The following DNAH14 variants were observed in gnomAD, a reference collection of about 807,000 sequenced individuals.
DNAH14 encodes the protein dynein axonemal heavy chain 14.
DNAH14 carries 478 observed loss-of-function variants against 520.9 expected under a neutral mutation model. The ratio of observed to expected loss-of-function variants is 0.92; its 90% CI spans 0.85 to 0.99. The LOEUF is 0.99. DNAH14 is among the 50% of genes least tolerant of loss of function. The pLI is 0.00. For missense variants in DNAH14, 4,831 were observed against 5,234.5 expected (o/e 0.92, Z 2.38); for synonymous variants, 1,581 against 1,757.2 (o/e 0.90, Z 2.51).
At chr1:225,284,702 A>T (rs1434670505) in intron 54 of DNAH14, among the ~76,000 whole-genome samples, 1 of 152,196 alleles carries the variant, frequency 6.6e-6, no homozygotes, top group African/African-American at 2.4e-5. Flanking sequence ...CTACAGGCTA[A>T]TATCCCTTAT....
chr1:225,346,965 C>T (rs1198479881), intron 71 of DNAH14, among the ~76,000 whole-genome samples: 1 of 152,066 alleles, frequency 6.6e-6, no homozygotes, highest in Non-Finnish European at 1.5e-5. Context: ...TTAGAGTTGC[C>T]CTCACTTTCT....
chr1:225,206,862 C>A (rs2087634796), intron 40 of DNAH14, 106 bp from the exon 41 acceptor site: 1 of 993,880 alleles, frequency 1.0e-6, no homozygotes, highest in Admixed American at 3.5e-5. Flanking sequence ...AATTCTAAGT[C>A]ATATTTATGA....
intron 80 of DNAH14, 65 bp from the exon 81 acceptor site, chr1:225,381,318 C>A (rs1484531432): frequency 6.9e-7 from 1 of 1,441,410 alleles, no homozygotes; most frequent in East Asian, 2.5e-5. Context: ...AAGCCTAAGT[C>A]CCTCCATGTA....
At chr1:224,946,425 G>A (rs2059833612) in intron 1 of DNAH14, among the ~76,000 whole-genome samples, 1 of 152,108 alleles carries the variant, frequency 6.6e-6, no homozygotes, top group South Asian at 2.1e-4. Context: ...GGAATTCCCT[G>A]ACCCCTTGAG....
chr1:225,391,065 A>G (rs191743917), intron 83 of DNAH14, among the ~76,000 whole-genome samples: 138 of 152,334 alleles, frequency 9.1e-4, no homozygotes, highest in African/African-American at 3.2e-3. Flanking sequence ...CTTTCACACT[A>G]GGAGAAACCA....
At chr1:225,338,990 T>A (rs1273355396) in intron 68 of DNAH14, among the ~76,000 whole-genome samples, 1 of 152,096 alleles carries the variant, frequency 6.6e-6, no homozygotes, top group African/African-American at 2.4e-5. Context: ...ATCAAATTAT[T>A]ACTCCTTAGA....
At chr1:225,324,900 C>T in intron 64 of DNAH14, 68 bp downstream of exon 64, 2 of 1,199,024 alleles carry the variant, frequency 1.7e-6, no homozygotes, top group Non-Finnish European at 2.3e-6. Flanking sequence ...CTCAGGAGAG[C>T]TTATCAGTTT....
chr1:225,382,619 G>C (rs1160680971), intron 81 of DNAH14, among the ~76,000 whole-genome samples: 1 of 151,800 alleles, frequency 6.6e-6, no homozygotes, highest in Admixed American at 6.6e-5. Flanking sequence ...GAGGCTAAGG[G>C]AGGAGAATTG....
chr1:225,184,716 C>T (rs1469932884), intron 36 of DNAH14, among the ~76,000 whole-genome samples: 1 of 150,672 alleles, frequency 6.6e-6, no homozygotes, highest in East Asian at 1.9e-4. Context: ...TAAAAAGTCT[C>T]AACAAACTAG....
At chr1:224,980,999 A>C (rs1290539925) in intron 8 of DNAH14, among the ~76,000 whole-genome samples, 1 of 152,266 alleles carries the variant, frequency 6.6e-6, no homozygotes, top group African/African-American at 2.4e-5. Flanking sequence ...TTAAAAAATA[A>C]AATAAATAGC....
At chr1:225,266,189 A>G (rs1175296989) in intron 48 of DNAH14, among the ~76,000 whole-genome samples, 1 of 152,152 alleles carries the variant, frequency 6.6e-6, no homozygotes, top group Non-Finnish European at 1.5e-5. Flanking sequence ...TTTTAAGTCT[A>G]GTTCCAGATG....
In DNAH14 at chr1:225,270,724, C is replaced by T; in HGVS notation, c.7540-11C>T. The T allele has an allele frequency of 1.3e-6, 2 of 1,549,696 alleles. No homozygotes were observed. The highest frequency in any genetic ancestry group is 1.2e-5 in the South Asian group (1 of 83,684). On this transcript the variant is annotated splice_polypyrimidine_tract_variant and intron_variant, in intron 49 of 85. Transcript: ENST00000682510. ...ACATTCAGTTACTCTTCCTTTTTAT[C>T]CTTATCACAGAATATTCAAGATCTG...
chr1:225,177,456 G>A (rs939472550), intron 36 of DNAH14, among the ~76,000 whole-genome samples: 2 of 152,178 alleles, frequency 1.3e-5, no homozygotes, highest in Admixed American at 6.5e-5. Flanking sequence ...GGATCCAAAT[G>A]TTAATCCCCA....
rs1031246204 is a variant in DNAH14, at chr1:225,168,043, G to A, written c.5535+15G>A. 7.3e-7 allele frequency: 1 copy of A among 1,368,080 alleles called. No homozygotes were observed. The highest frequency in any genetic ancestry group is 1.0e-6 in the Non-Finnish European group (1 of 994,700). 84.7% of individuals were successfully genotyped at this position (1,368,080 alleles called of 1,614,324 possible). On this transcript the variant is annotated intron_variant, in intron 36 of 85. Transcript: ENST00000682510. ...ATCAACTTCAGGTAAGTATAAAATG[G>A]CATGTTAGCAATCCTTTGCCTGTAT...
At chr1:225,263,535 C>G (rs2093012128) in intron 46 of DNAH14, among the ~76,000 whole-genome samples, 1 of 151,886 alleles carries the variant, frequency 6.6e-6, no homozygotes, top group African/African-American at 2.4e-5. Flanking sequence ...TCTGTTCTAT[C>G]TTCACATATA....
chr1:224,983,632 C>T (rs190464092), intron 8 of DNAH14, among the ~76,000 whole-genome samples: 12 of 152,150 alleles, frequency 7.9e-5, no homozygotes, highest in African/African-American at 2.6e-4. Flanking sequence ...ACAATATGAC[C>T]GTTTACCTTG....
In DNAH14 at chr1:224,943,705, C is replaced by T. The variant is rs147102620; in HGVS notation, c.-33-8965C>T. On this transcript the variant is annotated intron_variant, in intron 1 of 85. Coordinates refer to ENST00000682510, the MANE Select transcript of DNAH14 (RefSeq NM_001367479.1). The stretch of plus-strand genomic sequence containing the variant: ...TTCTGGTATGTTATGTCTTTGTTCT[C>T]GTTGGTTTCAAAGAACATCTTTATT... Among the ~76,000 whole-genome samples, 928 of 152,170 alleles carry T rather than the reference C, an allele frequency of 6.1e-3. 8 individuals are homozygous for T. The highest frequency in any genetic ancestry group is 0.021 in the African/African-American group (879 of 41,516).
intron 78 of DNAH14, among the ~76,000 whole-genome samples, chr1:225,376,368 A>T (rs545531924): frequency 5.3e-5 from 8 of 152,278 alleles, no homozygotes; most frequent in Non-Finnish European, 1.0e-4. Flanking sequence ...CAGAGGTTGA[A>T]GTGAACCGAG....
chr1:225,130,160 C>G (rs547754835), intron 27 of DNAH14, among the ~76,000 whole-genome samples: 18 of 152,260 alleles, frequency 1.2e-4, no homozygotes, highest in African/African-American at 4.3e-4. Flanking sequence ...ATTAAAAAGT[C>G]AGGAAACAAC....
Sources: allele counts gnomAD v4.1 joint callset (sites outside exome capture counted in the v4.1 genomes callset), GRCh38; gene constraint gnomAD v4.1.1; transcripts MANE v1.5; gene names NCBI Gene and HGNC (gene_info 2026-07-23, HGNC 2026-07-21).